The following PALM2AKAP2 variants were observed in gnomAD, a reference collection of about 807,000 sequenced individuals.
PALM2AKAP2 encodes the protein PALM2-AKAP2 fusion protein.
In PALM2AKAP2, 37 loss-of-function variants were observed where a neutral mutation model predicts 71.5. That is an observed-to-expected ratio of 0.52 (90% CI 0.40 to 0.68). The LOEUF is 0.68. Among genes scored for constraint, PALM2AKAP2 ranks in the 30% least tolerant of loss-of-function variants. The pLI is 0.00. For synonymous variants in PALM2AKAP2, 468 were observed against 478.8 expected (o/e 0.98, Z 0.29); for missense variants, 1,224 against 1,191.8 (o/e 1.03, Z -0.40).
At chr9:110,164,506 CTTTG>C (rs1324423617) in intron 3 of PALM2AKAP2, among the ~76,000 whole-genome samples, 1 of 147,156 alleles carries the variant, frequency 6.8e-6, no homozygotes, top group African/African-American at 2.5e-5. Context: ...AACAATAAAA[CTTTG>C]TTTATTTATT....
At chr9:109,762,412 A>G (rs978833095) in intron 1 of PALM2AKAP2, among the ~76,000 whole-genome samples, 4 of 152,214 alleles carry the variant, frequency 2.6e-5, no homozygotes, top group Non-Finnish European at 2.9e-5. Context: ...GGAACTTTCC[A>G]ATGAAATTCC....
chr9:109,829,241 C>G (rs1238875161), intron 1 of PALM2AKAP2, among the ~76,000 whole-genome samples: 1 of 152,218 alleles, frequency 6.6e-6, no homozygotes, highest in Non-Finnish European at 1.5e-5. Flanking sequence ...AACACATACC[C>G]TGTGTAATCA....
intron 1 of PALM2AKAP2, among the ~76,000 whole-genome samples, chr9:110,055,049 A>G (rs1010176978): frequency 1.3e-5 from 2 of 152,102 alleles, no homozygotes; most frequent in African/African-American, 4.8e-5. Context: ...AAGCACTTGC[A>G]CTATTGAGAA....
At chr9:110,007,238 T>C (rs886122168) in intron 6 of PALM2AKAP2, among the ~76,000 whole-genome samples, 2 of 152,206 alleles carry the variant, frequency 1.3e-5, no homozygotes, top group African/African-American at 4.8e-5. Flanking sequence ...ATTAGCCACC[T>C]CTGGTGCCAT....
chr9:109,645,372 G>A (rs911424441), intron 1 of PALM2AKAP2, among the ~76,000 whole-genome samples: 9 of 152,200 alleles, frequency 5.9e-5, no homozygotes, highest in Non-Finnish European at 1.5e-5. Flanking sequence ...CCCACCAGGT[G>A]CTTTCCAACA....
chr9:109,716,299 G>T (rs1828318131), intron 1 of PALM2AKAP2, among the ~76,000 whole-genome samples: 1 of 152,118 alleles, frequency 6.6e-6, no homozygotes, highest in Admixed American at 6.5e-5. Flanking sequence ...ACTGTGCATG[G>T]TTCCTGTGGC....
At chr9:109,943,056 C>A (rs1489148638) in intron 6 of PALM2AKAP2, 7 of 1,614,214 alleles carry the variant, frequency 4.3e-6, no homozygotes, top group Non-Finnish European at 5.1e-6. Context: ...CTTCCGGGAA[C>A]CCAGGGCAGC....
chr9:109,709,887 C>T (rs1320075162), intron 1 of PALM2AKAP2, among the ~76,000 whole-genome samples: 3 of 152,166 alleles, frequency 2.0e-5, no homozygotes, highest in Non-Finnish European at 2.9e-5. Flanking sequence ...ACCCCTACTA[C>T]CTGTGAATAT....
chr9:109,865,096 C>CTTTTTTTTTTTTTTTTTTTTT lies in PALM2AKAP2; in HGVS notation c.46-2375_46-2374insTTTTTTTTTTTTTTTTTTTTT, dbSNP rs58922983. Among the ~76,000 whole-genome samples, 3 of 75,640 alleles carry CTTTTTTTTTTTTTTTTTTTTT rather than the reference C, an allele frequency of 4.0e-5. 1 individual carries two copies. Among genetic ancestry groups the CTTTTTTTTTTTTTTTTTTTTT allele is most frequent in the African/African-American group, 1.6e-4 (3 of 18,344 alleles). 49.6% of individuals were successfully genotyped at this position (75,640 alleles called of 152,430 possible). ...GTATCTACCTAAATCCTACTCATTCCTTTTTTTTTTTTTTTTTTTTGAGAC... is the reference window on the plus strand; with the variant it reads ...GTATCTACCTAAATCCTACTCATTCCTTTTTTTTTTTTTTTTTTTTTTTTTTTTTTTTTTTTTTTTTGAGAC... On this transcript the variant is annotated intron_variant, in intron 1 of 9. Coordinates refer to the PALM2AKAP2 transcript ENST00000302798.
intron 1 of PALM2AKAP2, among the ~76,000 whole-genome samples, chr9:109,750,670 G>C (rs530336489): frequency 3.0e-4 from 45 of 151,814 alleles, no homozygotes; most frequent in Admixed American, 1.4e-3. Flanking sequence ...ATGAAAGAGA[G>C]GGGTTGGGAT....
At chr9:110,147,698 A>T (rs1266506871) in intron 2 of PALM2AKAP2, among the ~76,000 whole-genome samples, 1 of 152,162 alleles carries the variant, frequency 6.6e-6, no homozygotes, top group East Asian at 1.9e-4. Context: ...CTTGAGCTTG[A>T]GTTCAACGCT....
intron 1 of PALM2AKAP2, among the ~76,000 whole-genome samples, chr9:109,661,184 T>A (rs1457308122): frequency 2.0e-5 from 3 of 152,292 alleles, no homozygotes; most frequent in Non-Finnish European, 2.9e-5. Flanking sequence ...CCCATTTGTC[T>A]GTTTTGGCTT....
Position 110,096,928 on chromosome 9 carries a change from T to A in PALM2AKAP2, c.157-39199T>A, listed in dbSNP as rs1018183648. Among the ~76,000 whole-genome samples, 11 of 148,416 alleles carry A rather than the reference T, an allele frequency of 7.4e-5. No homozygotes were observed. In the East Asian group the frequency reaches 2.2e-3, roughly 29 times the overall value. On this transcript the variant is annotated intron_variant, in intron 1 of 3. Coordinates refer to ENST00000374525, the Ensembl canonical transcript of PALM2AKAP2. ...TTTTAACAGAATCACAGAATTTTCT[T>A]TTTATTTATTTATTTATTTATTTAT... is the stretch of plus-strand genomic sequence containing the variant.
chr9:110,109,106 TC>T (rs1835180462), intron 1 of PALM2AKAP2, among the ~76,000 whole-genome samples: 1 of 151,718 alleles, frequency 6.6e-6, no homozygotes, highest in African/African-American at 2.4e-5. Flanking sequence ...TCACCTGAGG[TC>T]AGGAGTTCGA....
At chr9:110,083,202 C>T (rs1834487889) in intron 1 of PALM2AKAP2, among the ~76,000 whole-genome samples, 1 of 152,056 alleles carries the variant, frequency 6.6e-6, no homozygotes, top group Admixed American at 6.6e-5. Context: ...TTCCCCCAGC[C>T]CCTAGCAGCC....
chr9:110,121,872 G>A (rs144890185), intron 1 of PALM2AKAP2, among the ~76,000 whole-genome samples: 202 of 152,208 alleles, frequency 1.3e-3, no homozygotes, highest in African/African-American at 4.7e-3. Flanking sequence ...CTCAAAATGA[G>A]TTCACCTTTG....
chr9:109,797,390 T>C (rs1827290974), intron 1 of PALM2AKAP2, among the ~76,000 whole-genome samples: 1 of 152,220 alleles, frequency 6.6e-6, no homozygotes, highest in Non-Finnish European at 1.5e-5. Flanking sequence ...CTTGGATTCT[T>C]GGACTGTGTT....
At chr9:110,138,052 G>T (rs200592101) in exon 2 of PALM2AKAP2, 1 of 1,607,254 alleles carries the variant, frequency 6.2e-7, no homozygotes, top group Non-Finnish European at 8.5e-7. Flanking sequence ...GACCTGAAGC[G>T]ACTGTAGAGG....
chr9:109,834,847 G>A (rs1176318165), intron 1 of PALM2AKAP2, among the ~76,000 whole-genome samples: 1 of 152,184 alleles, frequency 6.6e-6, no homozygotes, highest in Non-Finnish European at 1.5e-5. Flanking sequence ...CAAGTCTAGA[G>A]CCTGGACTTG....
Sources: allele counts gnomAD v4.1 joint callset (sites outside exome capture counted in the v4.1 genomes callset), GRCh38; gene constraint gnomAD v4.1.1; transcripts MANE v1.5; gene names NCBI Gene and HGNC (gene_info 2026-07-23, HGNC 2026-07-21).